RNF170: variants seen among roughly 807,000 people sequenced by gnomAD.
RNF170 encodes E3 ubiquitin-protein ligase RNF170.
Under a neutral mutation model 32.7 loss-of-function variants are expected in RNF170, and 12 were observed. The ratio of observed to expected loss-of-function variants is 0.37; its 90% confidence interval spans 0.24 to 0.60. The LOEUF (loss-of-function observed/expected upper bound fraction) is 0.60. RNF170 is among the 20% of genes least tolerant of loss of function. RNF170 has a pLI of 0.72. For synonymous variants in RNF170, 91 were observed against 103.6 expected (o/e 0.88, Z 0.74); for missense variants, 212 against 311.2 (o/e 0.68, Z 2.40).
chr8:42,890,026 G>A (rs1021050543), intron 1 of RNF170, among the ~76,000 whole-genome samples: 3 of 152,008 alleles, frequency 2.0e-5, no homozygotes, highest in African/African-American at 7.2e-5. Context: ...ATGAACAGAG[G>A]TGAAAGTGCT....
intron 2 of RNF170, among the ~76,000 whole-genome samples, chr8:42,878,489 G>C (rs2128942560): frequency 6.6e-6 from 1 of 152,344 alleles, no homozygotes; most frequent in South Asian, 2.1e-4. Context: ...ATTTCCTTAA[G>C]CCAAAGCCTA....
chr8:42,854,567 C>T lies in RNF170; in HGVS notation c.*1592G>A, dbSNP rs750827300. 76 of 1,286,952 alleles carry T rather than the reference C, an allele frequency of 5.9e-5. 1 individual carries two copies. In the Admixed American group the frequency reaches 1.7e-3, roughly 28 times the overall value. 79.7% of individuals were successfully genotyped at this position (1,286,952 alleles called of 1,614,324 possible). ...GACAAGCAACAGCTCTGTCCTAGGT[C>T]CAAATTAGAAAAACACATATTGATA... On this transcript the variant is annotated 3_prime_UTR_variant, in exon 7 of 7. Transcript: ENST00000527424.
chr8:42,883,007 G>A (rs1266642457), intron 2 of RNF170, among the ~76,000 whole-genome samples: 1 of 152,012 alleles, frequency 6.6e-6, no homozygotes, highest in Non-Finnish European at 1.5e-5. Context: ...AGGTTGCAGT[G>A]AGACAAGATG....
chr8:42,857,882 A>T, intron 6 of RNF170, among the ~76,000 whole-genome samples: 1 of 152,126 alleles, frequency 6.6e-6, no homozygotes, highest in East Asian at 1.9e-4. Context: ...TAAAAATACA[A>T]AAATTAGCTG....
intron 2 of RNF170, among the ~76,000 whole-genome samples, chr8:42,886,350 G>A (rs924755125): frequency 1.3e-5 from 2 of 152,146 alleles, no homozygotes; most frequent in East Asian, 1.9e-4. Flanking sequence ...CTGCTTAGTG[G>A]AGTTCACTTA....
At chr8:42,856,925 T>C (rs553301265) in intron 6 of RNF170, among the ~76,000 whole-genome samples, 1 of 152,178 alleles carries the variant, frequency 6.6e-6, no homozygotes, top group Non-Finnish European at 1.5e-5. Flanking sequence ...AAAGGTTCCC[T>C]GGCAAGCGGA....
At position 42,854,807 on chromosome 8, in the gene RNF170, C is replaced by A. The variant is rs1403800047; in HGVS notation, c.*1352G>T. ...TACATTCACTAATGAGCAACGCCAG[C>A]TGAAGTGAGTAAGATCTCCCAGTAC... On this transcript the variant is annotated 3_prime_UTR_variant, in exon 7 of 7. Transcript: ENST00000527424. The A allele has an allele frequency of 3.9e-6, 5 of 1,287,208 alleles. No homozygotes were observed. The highest frequency in any genetic ancestry group is 5.1e-6 in the Non-Finnish European group (5 of 988,712). 79.7% of individuals were successfully genotyped at this position (1,287,208 alleles called of 1,614,324 possible). A position where few individuals can be genotyped will look rare whatever the true frequency, so the allele number is the denominator to read the frequency against.
chr8:42,862,606 A>C (rs967616215), intron 5 of RNF170, among the ~76,000 whole-genome samples: 1 of 152,202 alleles, frequency 6.6e-6, no homozygotes, highest in Non-Finnish European at 1.5e-5. Flanking sequence ...TAAATCATTT[A>C]GTTGTTGTTT....
rs537176125 is a variant in RNF170, at chr8:42,853,577, G to T, written c.*2582C>A. ...CAAGTTATTATCTGCTCCTGGGGTTGGACCATCTGTTTTATGACAGTTATG... is the reference window on the plus strand; with the variant it reads ...CAAGTTATTATCTGCTCCTGGGGTTTGACCATCTGTTTTATGACAGTTATG... On this transcript the variant is annotated 3_prime_UTR_variant, in exon 7 of 7. Coordinates refer to ENST00000527424, the MANE Select transcript of RNF170 (RefSeq NM_030954.4). 80 of 1,286,768 alleles carry T rather than the reference G, an allele frequency of 6.2e-5. 1 individual carries two copies. In the East Asian group the frequency reaches 4.2e-3, roughly 67 times the overall value. The allele number at this position is 1,286,768 out of a possible 1,614,324, so 79.7% of individuals were successfully genotyped here. A position where few individuals can be genotyped will look rare whatever the true frequency, so the allele number is the denominator to read the frequency against.
intron 6 of RNF170, among the ~76,000 whole-genome samples, chr8:42,860,317 G>A (rs574531841): frequency 6.6e-6 from 1 of 152,332 alleles, no homozygotes; most frequent in Admixed American, 6.5e-5. Flanking sequence ...TCAGTAAAAT[G>A]TGCTAGTTTT....
At chr8:42,883,242 A>G (rs1805555472) in intron 2 of RNF170, among the ~76,000 whole-genome samples, 1 of 152,122 alleles carries the variant, frequency 6.6e-6, no homozygotes, top group African/African-American at 2.4e-5. Context: ...AGCCATCACT[A>G]TTACGCAACA....
At chr8:42,867,775 C>CAAAAAAAAAAAAAA (rs1054907767) in intron 4 of RNF170, among the ~76,000 whole-genome samples, 5 of 24,772 alleles carry the variant, frequency 2.0e-4, no homozygotes, top group African/African-American at 3.1e-4. Flanking sequence ...GACTCCATCT[C>CAAAAAAAAAAAAAA]AAAAAAAAAA....
intron 6 of RNF170, chr8:42,861,253 G>C (rs1051090632): frequency 6.6e-6 from 1 of 152,174 alleles, no homozygotes; most frequent in African/African-American, 2.4e-5. Flanking sequence ...AAAGAAAATT[G>C]TAGTCCTTGG....
At chr8:42,865,917 G>T (rs1414246330) in intron 4 of RNF170, among the ~76,000 whole-genome samples, 1 of 151,804 alleles carries the variant, frequency 6.6e-6, no homozygotes, top group Non-Finnish European at 1.5e-5. Context: ...CCCGGGAGGT[G>T]GAGGTTGCAA....
chr8:42,856,276 T>C lies in RNF170; in HGVS notation c.660A>G (p.Val220=), dbSNP rs762073535. 7.5e-6 allele frequency: 12 copies of C among 1,603,330 alleles called. No individual in the cohort carries two copies. The highest frequency in any genetic ancestry group is 1.0e-5 in the Non-Finnish European group (12 of 1,176,794). The change falls in exon 7 of 7, where the codon GTA becomes GTG. Residue 220 remains valine, a synonymous_variant. Transcript: ENST00000527424. The stretch of plus-strand genomic sequence containing the variant: ...CTAGAATTCCAAACAAGGCTTCAGG[T>C]ACAAAATCTAGAGGTGATATAAGAT... ...FFYLISPLDF[V]PEALFGILGF...
At chr8:42,858,151 GAT>G (rs1803382251) in intron 6 of RNF170, among the ~76,000 whole-genome samples, 1 of 151,854 alleles carries the variant, frequency 6.6e-6, no homozygotes, top group East Asian at 1.9e-4. Context: ...GTCACCGGAG[GAT>G]ATGTAAAAAA....
Position 42,855,112 on chromosome 8 carries a change from C to T in RNF170, c.*1047G>A. On this transcript the variant is annotated 3_prime_UTR_variant, in exon 7 of 7. Coordinates refer to ENST00000527424, the MANE Select transcript of RNF170 (RefSeq NM_030954.4). ...CTGTGTTTGCAGCATCGCCCAGGTT[C>T]CTAAAACAATCTTCCCTTTACAAAT... is the stretch of plus-strand genomic sequence containing the variant. The T allele has an allele frequency of 7.8e-7, 1 of 1,287,206 alleles. No homozygotes were observed. Among genetic ancestry groups the T allele is most frequent in the Non-Finnish European group, 1.0e-6 (1 of 988,692 alleles). The allele number at this position is 1,287,206 out of a possible 1,614,324, so 79.7% of individuals were successfully genotyped here.
chr8:42,879,372 G>A (rs762891421), intron 2 of RNF170, among the ~76,000 whole-genome samples: 1 of 151,986 alleles, frequency 6.6e-6, no homozygotes, highest in Non-Finnish European at 1.5e-5. Context: ...CTTTTTTTTG[G>A]CCAGGTGTGG....
rs1386711852 is a variant in RNF170, at chr8:42,855,459, C to T, written c.*700G>A. 4.3e-6 allele frequency: 4 copies of T among 934,122 alleles called. No homozygotes were observed. The East Asian group carries it at 2.4e-4, about 57-fold the overall frequency. 57.9% of individuals were successfully genotyped at this position (934,122 alleles called of 1,614,324 possible). A position where few individuals can be genotyped will look rare whatever the true frequency, so the allele number is the denominator to read the frequency against. ...ATCTCCTGACCTTGTGATCTACCCGCCTCAGCCTCCCAAAGTGCTAGGATT... is the reference window on the plus strand; with the variant it reads ...ATCTCCTGACCTTGTGATCTACCCGTCTCAGCCTCCCAAAGTGCTAGGATT... On this transcript the variant is annotated 3_prime_UTR_variant, in exon 7 of 7. Transcript: ENST00000527424.
Sources: allele counts gnomAD v4.1 joint callset (sites outside exome capture counted in the v4.1 genomes callset), GRCh38; gene constraint gnomAD v4.1.1; transcripts MANE v1.5; gene names NCBI Gene and HGNC (gene_info 2026-07-23, HGNC 2026-07-21).